CSMD1: variants seen among roughly 807,000 people sequenced by gnomAD.
CSMD1 encodes the protein CUB and Sushi multiple domains 1, also known as CUB and sushi domain-containing protein 1.
A neutral mutation model predicts 417.5 loss-of-function variants in CSMD1; 213 were observed. That is an observed-to-expected ratio of 0.51 (90% CI 0.46 to 0.57). CSMD1 has a LOEUF of 0.57. Among genes scored for constraint, CSMD1 ranks in the 20% least tolerant of loss-of-function variants. The pLI is 0.00. For synonymous variants in CSMD1, 2,862 were observed against 1,736.8 expected (o/e 1.65, Z -16.11); for missense variants, 6,923 against 4,529.7 (o/e 1.53, Z -15.17).
At chr8:4,901,498 A>T (rs545412905) in intron 1 of CSMD1, among the ~76,000 whole-genome samples, 2 of 152,298 alleles carry the variant, frequency 1.3e-5, no homozygotes, top group South Asian at 4.1e-4. Context: ...ATGTTTTTCC[A>T]TCTTTGTGAG....
At chr8:4,269,246 G>T (rs1804418489) in intron 3 of CSMD1, among the ~76,000 whole-genome samples, 1 of 152,016 alleles carries the variant, frequency 6.6e-6, no homozygotes, top group South Asian at 2.1e-4. Context: ...TAGCAGAGAT[G>T]AGGTTTCACC....
At chr8:3,072,771 C>A (rs184713549) in intron 49 of CSMD1, among the ~76,000 whole-genome samples, 7 of 152,202 alleles carry the variant, frequency 4.6e-5, no homozygotes, top group Admixed American at 1.3e-4. Context: ...TGCATAGCAT[C>A]GTATTGGTTA....
chr8:4,921,787 A>G (rs1269679023), intron 1 of CSMD1, among the ~76,000 whole-genome samples: 1 of 151,836 alleles, frequency 6.6e-6, no homozygotes, highest in Non-Finnish European at 1.5e-5. Flanking sequence ...TTTTTTTCTT[A>G]TATGTTGTTT....
At chr8:3,111,974 A>C (rs1186080035) in intron 42 of CSMD1, among the ~76,000 whole-genome samples, 1 of 151,974 alleles carries the variant, frequency 6.6e-6, no homozygotes, top group African/African-American at 2.4e-5. Context: ...CTGCCAAGGC[A>C]AACTTGTCTC....
intron 1 of CSMD1, among the ~76,000 whole-genome samples, chr8:4,794,633 G>A (rs981550864): frequency 6.6e-6 from 1 of 152,110 alleles, no homozygotes; most frequent in African/African-American, 2.4e-5. Context: ...TCCATAGTCA[G>A]GAACCTCCCC....
intron 3 of CSMD1, among the ~76,000 whole-genome samples, chr8:4,410,083 G>C (rs376093725): frequency 6.6e-6 from 1 of 152,080 alleles, no homozygotes; most frequent in African/African-American, 2.4e-5. Context: ...CAAAGTGCTG[G>C]GATTACAGCC....
chr8:4,922,954 C>T (rs534347455), intron 1 of CSMD1, among the ~76,000 whole-genome samples: 1 of 152,274 alleles, frequency 6.6e-6, no homozygotes, highest in Admixed American at 6.5e-5. Flanking sequence ...ATATTACACA[C>T]TTTCCATCAC....
Position 4,842,191 on chromosome 8 carries a change from G to C in CSMD1, c.85+152141C>G, listed in dbSNP as rs142051451. ...AAGCCAGACACACATGAAAAGAATT[G>C]TAGCTGTAAACAGGTGAATTGAGTG... On this transcript the variant is annotated intron_variant, in intron 1 of 69. Transcript: ENST00000635120. Among the ~76,000 whole-genome samples, 160 of 152,278 alleles carry C rather than the reference G, an allele frequency of 1.1e-3. 2 individuals are homozygous for C. The highest frequency in any genetic ancestry group is 3.8e-3 in the African/African-American group (157 of 41,564).
At chr8:3,291,432 T>G (rs1207289016) in intron 25 of CSMD1, among the ~76,000 whole-genome samples, 2 of 152,218 alleles carry the variant, frequency 1.3e-5, no homozygotes, top group African/African-American at 4.8e-5. Flanking sequence ...TCTGGCAGAA[T>G]TGGACTGTGA....
intron 10 of CSMD1, among the ~76,000 whole-genome samples, chr8:3,494,357 C>G (rs1181319903): frequency 6.6e-6 from 1 of 152,116 alleles, no homozygotes; most frequent in Non-Finnish European, 1.5e-5. Flanking sequence ...TTCTGTAGAG[C>G]ACAAGATCTT....
chr8:4,151,334 A>G (rs1450159746), intron 3 of CSMD1, among the ~76,000 whole-genome samples: 1 of 152,220 alleles, frequency 6.6e-6, no homozygotes, highest in African/African-American at 2.4e-5. Flanking sequence ...TTCAAGAGAT[A>G]AATCACTTAT....
intron 3 of CSMD1, among the ~76,000 whole-genome samples, chr8:4,208,251 C>T (rs1800098185): frequency 6.6e-6 from 1 of 152,022 alleles, no homozygotes. Flanking sequence ...GTTATAATTG[C>T]CTTCTCGGTC....
At chr8:4,173,018 G>C (rs1343350851) in intron 3 of CSMD1, among the ~76,000 whole-genome samples, 1 of 151,992 alleles carries the variant, frequency 6.6e-6, no homozygotes, top group African/African-American at 2.4e-5. Context: ...ATAAATGCTT[G>C]GTATTTTAGC....
chr8:4,776,942 T>G (rs1796883611), intron 1 of CSMD1, among the ~76,000 whole-genome samples: 1 of 152,234 alleles, frequency 6.6e-6, no homozygotes, highest in South Asian at 2.1e-4. Flanking sequence ...GCACTGGTGT[T>G]TGTAAAATTA....
At chr8:3,827,254 A>T (rs770833480) in intron 5 of CSMD1, among the ~76,000 whole-genome samples, 1 of 152,220 alleles carries the variant, frequency 6.6e-6, no homozygotes, top group Non-Finnish European at 1.5e-5. Flanking sequence ...AGCTAAAATA[A>T]AGCACACATA....
At chr8:3,872,163 G>C (rs1415717888) in intron 5 of CSMD1, among the ~76,000 whole-genome samples, 2 of 152,028 alleles carry the variant, frequency 1.3e-5, no homozygotes, top group East Asian at 3.9e-4. Flanking sequence ...CCCGTGTTTG[G>C]ATCCTCAGTT....
intron 2 of CSMD1, among the ~76,000 whole-genome samples, chr8:4,593,352 T>G (rs1800085918): frequency 6.6e-6 from 1 of 152,220 alleles, no homozygotes; most frequent in South Asian, 2.1e-4. Context: ...AAATCCTTGT[T>G]ATTGTCATGA....
At position 3,795,934 on chromosome 8, in the gene CSMD1, C is replaced by T. The variant is rs184232250; in HGVS notation, c.819-41892G>A. Among the ~76,000 whole-genome samples, 50 of 47,282 alleles carry T rather than the reference C, an allele frequency of 1.1e-3. 8 individuals are homozygous for T. The East Asian group carries it at 0.015, about 14-fold the overall frequency. The allele number at this position is 47,282 out of a possible 152,430, so 31.0% of individuals were successfully genotyped here. ...TACAGATATAGATATCTATCATGTA[C>T]AGATATAGATATCTATCATGTACAG... On this transcript the variant is annotated intron_variant, in intron 5 of 69. Transcript: ENST00000635120.
intron 12 of CSMD1, among the ~76,000 whole-genome samples, chr8:3,464,341 C>T (rs1585203649): frequency 6.6e-6 from 1 of 152,144 alleles, no homozygotes; most frequent in East Asian, 1.9e-4. Flanking sequence ...AAGTTTGCTT[C>T]TTGTTAACTT....
Sources: gnomAD v4.1 joint callset for allele counts (sites outside exome capture counted in the v4.1 genomes callset) on GRCh38, gnomAD v4.1.1 for gene constraint, MANE v1.5 for transcripts, NCBI Gene and HGNC (gene_info 2026-07-23, HGNC 2026-07-21) for gene names.